RAI1: variants seen among roughly 807,000 people sequenced by gnomAD.
The protein encoded by RAI1 is retinoic acid induced 1, also known as retinoic acid-induced protein 1.
In RAI1, 9 loss-of-function variants were observed where a neutral mutation model predicts 123.8. The observed-to-expected ratio is 0.07, with a 90% CI of 0.04 to 0.13. RAI1 has a LOEUF of 0.13. Ranked by LOEUF, RAI1 falls within the 10% of genes least tolerant of loss-of-function variation. RAI1 has a pLI of 1.00. For missense variants in RAI1, 2,256 were observed against 2,545.8 expected, an observed-to-expected ratio of 0.89 and a Z score of 2.45; for synonymous variants, 1,231 against 1,127.3, an observed-to-expected ratio of 1.09 and a Z score of -1.84.
At chr17:17,792,882 T>TCCCCCCCC in intron 2 of RAI1, 51 bp from the exon 3 acceptor site, 1 of 432,932 alleles carries the variant, frequency 2.3e-6, no homozygotes, top group Non-Finnish European at 4.5e-6. Context: ...TCCCTGCCCA[T>TCCCCCCCC]CCTCCCCTCC....
In RAI1 at chr17:17,810,843, GC is replaced by G. The variant is rs2032736762; in HGVS notation, c.*864del. 4.4e-6 allele frequency: 2 copies of G among 452,490 alleles called. No individual in the cohort carries two copies. Among genetic ancestry groups the G allele is most frequent in the African/African-American group, 2.0e-5 (1 of 50,126 alleles). The allele number at this position is 452,490 out of a possible 1,614,324, so 28.0% of individuals were successfully genotyped here. A position where few individuals can be genotyped will look rare whatever the true frequency, so the allele number is the denominator to read the frequency against. The stretch of plus-strand genomic sequence containing the variant: ...CGACCGTTGTGCACCACCAGGGACC[GC>G]CGCGCCTACTCTGCACGGGAGCAGG... On this transcript the variant is annotated 3_prime_UTR_variant, in exon 6 of 6. Transcript: ENST00000353383. The surrounding 1 kb of genome is among the most constrained non-coding windows in gnomAD (Gnocchi z 4.6).
intron 1 of RAI1, among the ~76,000 whole-genome samples, chr17:17,686,608 T>TGTGTGTGTGTGTGTGC (rs1491248703): frequency 7.3e-6 from 1 of 137,764 alleles, no homozygotes; most frequent in African/African-American, 2.8e-5. Context: ...TGTGTGTGTG[T>TGTGTGTGTGTGTGTGC]GCACGCGCGC....
intron 2 of RAI1, among the ~76,000 whole-genome samples, chr17:17,749,146 C>G (rs2142980579): frequency 6.6e-6 from 1 of 152,368 alleles, no homozygotes; most frequent in Non-Finnish European, 1.5e-5. Context: ...TGCCCGTCAG[C>G]AGAGAGTTCC....
chr17:17,810,151 A>C lies in RAI1; in HGVS notation c.*170A>C, dbSNP rs1598102783. 2 of 964,326 alleles carry C rather than the reference A, an allele frequency of 2.1e-6. No homozygotes were observed. Among genetic ancestry groups the C allele is most frequent in the East Asian group, 5.6e-5 (2 of 35,432 alleles). The allele number at this position is 964,326 out of a possible 1,614,324, so 59.7% of individuals were successfully genotyped here. A position where few individuals can be genotyped will look rare whatever the true frequency, so the allele number is the denominator to read the frequency against. On this transcript the variant is annotated 3_prime_UTR_variant, in exon 6 of 6. Transcript: ENST00000353383. This position sits in a 1 kb window ranked among gnomAD's most constrained non-coding sequence, Gnocchi z 4.6. The stretch of plus-strand genomic sequence containing the variant: ...GTGGATCCGGCCGCCTAGGGCTCAG[A>C]CTTGCGGCCCCGGGTTGGGAGGAAA...
At position 17,794,977 on chromosome 17, in the gene RAI1, G is replaced by A. The variant is rs754646763; in HGVS notation, c.2029G>A (p.Gly677Ser). The A allele has an allele frequency of 9.3e-6, 15 of 1,613,836 alleles. No individual in the cohort carries two copies. Among genetic ancestry groups the A allele is most frequent in the Admixed American group, 8.3e-5 (5 of 60,014 alleles). Residue 677 changes from glycine to serine, a missense_variant, in exon 3 of 6, where the codon GGC becomes AGC. Transcript: ENST00000353383. ...LPDSLQLDKG[G>S]NAKDFSPGLF... ...CGACTCCTTGCAGCTGGACAAGGGC[G>A]GCAATGCCAAGGACTTCAGCCCAGG...
chr17:17,699,174 G>A (rs1310593349), intron 1 of RAI1, among the ~76,000 whole-genome samples: 5 of 151,594 alleles, frequency 3.3e-5, no homozygotes, highest in African/African-American at 9.7e-5. Flanking sequence ...TCTGGCTCCC[G>A]TCACCTCTGA....
chr17:17,702,547 G>A (rs1462862273), intron 1 of RAI1, among the ~76,000 whole-genome samples: 3 of 152,220 alleles, frequency 2.0e-5, no homozygotes, highest in African/African-American at 7.2e-5. Context: ...CAAAATGGAG[G>A]TGAATGGGCA....
intron 1 of RAI1, chr17:17,684,888 A>T (rs1345719437): frequency 6.6e-6 from 1 of 152,030 alleles, no homozygotes; most frequent in Admixed American, 6.6e-5. Context: ...GCTCCACCAC[A>T]TACTGAACAG....
intron 2 of RAI1, among the ~76,000 whole-genome samples, chr17:17,763,631 A>G (rs1312131574): frequency 6.6e-6 from 1 of 152,212 alleles, no homozygotes; most frequent in Admixed American, 6.5e-5. Context: ...TCATAAAAGA[A>G]CCTGGTGCAT....
At chr17:17,804,822 T>G (rs530785578) in intron 4 of RAI1, among the ~76,000 whole-genome samples, 1 of 152,050 alleles carries the variant, frequency 6.6e-6, no homozygotes, top group African/African-American at 2.4e-5. Flanking sequence ...CCATGCTGGC[T>G]CCTAGTAGTG....
rs968203165 is a variant in RAI1 at position 17,800,298 on chromosome 17, C to T, written c.5565+1785C>T. On this transcript the variant is annotated intron_variant, in intron 3 of 5. Coordinates refer to ENST00000353383, the MANE Select transcript of RAI1 (RefSeq NM_030665.4). The surrounding 1 kb of genome is among the most constrained non-coding windows in gnomAD (Gnocchi z 4.7). The stretch of plus-strand genomic sequence containing the variant: ...CCCGTCATCAAAAAATAATAACCCT[C>T]AGATCACCAGCCCCAGCTGGCTGCC... Among the ~76,000 whole-genome samples, 5 of 151,474 alleles carry T rather than the reference C, an allele frequency of 3.3e-5. No homozygotes were observed. Among genetic ancestry groups the T allele is most frequent in the African/African-American group, 7.3e-5 (3 of 41,166 alleles).
chr17:17,794,771 C>A lies in RAI1; in HGVS notation c.1823C>A (p.Ala608Asp), dbSNP rs1407759012. The change falls in exon 3 of 6, where the codon GCC becomes GAC. Residue 608 changes from alanine (A) to aspartate (D), a missense_variant. Coordinates refer to ENST00000353383, the MANE Select transcript of RAI1 (RefSeq NM_030665.4). ...AGCGCCCTGGCACAGGAGGACCTGG[C>A]CTCCGAGATCCTGGGGCTGCAGGAA... ...LLSALAQEDLASEILGLQEAI... is the reference protein window; with the variant it reads ...LLSALAQEDLDSEILGLQEAI... 1.9e-6 allele frequency: 3 copies of A among 1,613,000 alleles called. No individual in the cohort carries two copies. Among genetic ancestry groups the A allele is most frequent in the East Asian group, 4.5e-5 (2 of 44,876 alleles).
intron 2 of RAI1, among the ~76,000 whole-genome samples, chr17:17,780,824 C>T (rs940781256): frequency 6.6e-6 from 1 of 152,196 alleles, no homozygotes; most frequent in Admixed American, 6.5e-5. Context: ...CCTTGAGAAC[C>T]CCCACTCTGT....
chr17:17,719,697 T>C (rs1331196236), intron 1 of RAI1, among the ~76,000 whole-genome samples: 2 of 152,134 alleles, frequency 1.3e-5, no homozygotes, highest in African/African-American at 4.8e-5. Flanking sequence ...CCTCAACACA[T>C]AGAATGGAGC....
chr17:17,734,390 G>A (rs1916360351), intron 2 of RAI1, among the ~76,000 whole-genome samples: 1 of 152,086 alleles, frequency 6.6e-6, no homozygotes, highest in South Asian at 2.1e-4. Flanking sequence ...GCTGCCATGA[G>A]CCAAGATTGT....
chr17:17,725,199 C>T (rs1285558697), intron 2 of RAI1, among the ~76,000 whole-genome samples: 1 of 152,028 alleles, frequency 6.6e-6, no homozygotes, highest in East Asian at 1.9e-4. Flanking sequence ...GATGGCAGCC[C>T]CTCTTGGGCT....
At chr17:17,703,603 G>T (rs1915300950) in intron 1 of RAI1, among the ~76,000 whole-genome samples, 2 of 152,288 alleles carry the variant, frequency 1.3e-5, no homozygotes, top group Middle Eastern at 3.4e-3. Context: ...GGCTCATAGA[G>T]GTTAAGGTCA....
intron 2 of RAI1, among the ~76,000 whole-genome samples, chr17:17,774,553 C>A (rs2031271188): frequency 6.6e-6 from 1 of 152,248 alleles, no homozygotes; most frequent in East Asian, 1.9e-4. Flanking sequence ...GCCCCTGTGC[C>A]AGGACAGCGT....
intron 1 of RAI1, among the ~76,000 whole-genome samples, chr17:17,717,548 C>G (rs549631799): frequency 1.1e-4 from 17 of 152,182 alleles, no homozygotes; most frequent in African/African-American, 4.1e-4. Context: ...CTCTATAACC[C>G]TCCTTCTCTC....
Sources: gnomAD v4.1 joint callset for allele counts (sites outside exome capture counted in the v4.1 genomes callset) on GRCh38, gnomAD v4.1.1 for gene constraint, Gnocchi (gnomAD v3.1) non-coding constraint, MANE v1.5 for transcripts, NCBI Gene and HGNC (gene_info 2026-07-23, HGNC 2026-07-21) for gene names.